The following CYP2S1 variants were observed in gnomAD, a reference collection of about 807,000 sequenced individuals.
The protein encoded by CYP2S1 is cytochrome P450 2S1.
CYP2S1 carries 32 observed loss-of-function variants against 43.5 expected under a neutral mutation model. The observed-to-expected ratio is 0.74, with a 90% confidence interval of 0.56 to 0.99. CYP2S1 has a LOEUF of 0.99. Ranked by LOEUF, CYP2S1 falls within the 50% of genes least tolerant of loss-of-function variation. The pLI is 0.00. For missense variants in CYP2S1, 575 were observed against 673.9 expected, an observed-to-expected ratio of 0.85 and a Z score of 1.62; for synonymous variants, 283 against 302.9, an observed-to-expected ratio of 0.93 and a Z score of 0.68.
chr19:41,198,458 C>G lies in CYP2S1; in HGVS notation c.494-4C>G, dbSNP rs752912722. The G allele has an allele frequency of 7.4e-6, 12 of 1,613,592 alleles. No homozygotes were observed. Among genetic ancestry groups the G allele is most frequent in the South Asian group, 1.1e-5 (1 of 91,050 alleles). On this transcript the variant is annotated splice_polypyrimidine_tract_variant and splice_region_variant and intron_variant, in intron 3 of 8. Coordinates refer to ENST00000310054, the MANE Select transcript of CYP2S1 (RefSeq NM_030622.8). This position sits in a 1 kb window ranked among gnomAD's most constrained non-coding sequence, Gnocchi z 4.9. ...GCCTACCTCCCTGCCCCCATTCCCCCCAGGACGCCCATTCGATCCCTCCCT... is the reference window on the plus strand; with the variant it reads ...GCCTACCTCCCTGCCCCCATTCCCCGCAGGACGCCCATTCGATCCCTCCCT...
chr19:41,199,739 C>A (rs762881546), intron 5 of CYP2S1, among the ~76,000 whole-genome samples: 1 of 151,686 alleles, frequency 6.6e-6, no homozygotes, highest in African/African-American at 2.4e-5. Context: ...CCGAGACGGG[C>A]GGATCACCTG....
Position 41,197,897 on chromosome 19 carries a change from G to T in CYP2S1, c.462G>T (p.Arg154=). ...EGEELIQAEA[R]CLVETFQGTE... ...AGGAGCTGATCCAGGCGGAGGCCCG[G>T]TGTCTGGTGGAGACATTCCAGGGGA... The change falls in exon 3 of 9, where the codon CGG becomes CGT. Residue 154 remains arginine, a synonymous_variant. Coordinates refer to ENST00000310054, the MANE Select transcript of CYP2S1 (RefSeq NM_030622.8). 1 of 1,613,796 alleles carries T rather than the reference G, an allele frequency of 6.2e-7. No individual in the cohort carries two copies. The highest frequency in any genetic ancestry group is 8.5e-7 in the Non-Finnish European group (1 of 1,179,898).
chr19:41,195,909 C>A (rs1184032480), intron 2 of CYP2S1, among the ~76,000 whole-genome samples: 1 of 151,970 alleles, frequency 6.6e-6, no homozygotes, highest in Admixed American at 6.6e-5. Context: ...AACAAAAAAT[C>A]ATTATACCTG....
intron 6 of CYP2S1, 118 bp from the exon 7 acceptor site, chr19:41,203,332 C>A: frequency 8.7e-7 from 1 of 1,143,502 alleles, no homozygotes; most frequent in Non-Finnish European, 1.2e-6. Context: ...GCTGGGGGAC[C>A]ACTCCTCCCC....
Position 41,206,531 on chromosome 19 carries a change from C to G in CYP2S1, c.*43C>G. The G allele has an allele frequency of 6.2e-7, 1 of 1,608,618 alleles. No individual in the cohort carries two copies. Among genetic ancestry groups the G allele is most frequent in the Non-Finnish European group, 8.5e-7 (1 of 1,175,302 alleles). On this transcript the variant is annotated 3_prime_UTR_variant, in exon 9 of 9. Transcript: ENST00000310054. ...GTGGTGGGTGCCCAGGACGGTGCCT[C>G]CAGCCTCAACAGTGGGCATGGACAG...
rs376952606 is a variant in CYP2S1 at position 41,198,851 on chromosome 19, G to A, written c.797G>A (p.Arg266His). 169 of 1,613,990 alleles carry A rather than the reference G, an allele frequency of 1.0e-4. No individual in the cohort carries two copies. The highest frequency in any genetic ancestry group is 1.3e-4 in the Non-Finnish European group (158 of 1,179,904). ...AACCTGGATGCTTCGGGCCCCGCAC[G>A]TGACCTTGTCGATGCCTTCCTGCTG... ...QGNLDASGPA[R>H]DLVDAFLLKM... The change falls in exon 5 of 9, where the codon CGT (arginine) becomes CAT (histidine). Residue 266 changes from arginine (R) to histidine (H), a missense_variant. Physicochemically the swap from Arg to His is conservative, Grantham distance 29. Around this residue, in one of 2 missense-constraint regions of CYP2S1, gnomAD observed 353 missense variants for 367.6 expected, o/e 0.96. Transcript: ENST00000310054. The surrounding 1 kb of genome is among the most constrained non-coding windows in gnomAD (Gnocchi z 4.9).
chr19:41,201,110 A>T (rs912784632), intron 5 of CYP2S1, 121 bp from the exon 6 acceptor site: 1 of 1,375,454 alleles, frequency 7.3e-7, no homozygotes, highest in African/African-American at 1.5e-5. Flanking sequence ...ACCTTCCCAA[A>T]AATTTATCTA....
At chr19:41,194,880 C>T (rs906191445) in intron 2 of CYP2S1, among the ~76,000 whole-genome samples, 171 bp downstream of exon 2, 13 of 152,096 alleles carry the variant, frequency 8.5e-5, no homozygotes, top group African/African-American at 2.7e-4. Flanking sequence ...CTTTGGGAGG[C>T]GGAGGTGGGT....
At chr19:41,205,370 CTTTCTT>C (rs1451303680) in intron 7 of CYP2S1, among the ~76,000 whole-genome samples, 756 of 72,614 alleles carry the variant, frequency 0.01, 2 homozygotes, top group African/African-American at 0.042. Flanking sequence ...TTCTTTCTTT[CTTTCTT>C]TCTTTCTCTC....
Position 41,198,134 on chromosome 19 carries a change from T to C in CYP2S1, c.493+206T>C, listed in dbSNP as rs2033438731. Among the ~76,000 whole-genome samples, 1 of 152,146 alleles carries C rather than the reference T, an allele frequency of 6.6e-6. No homozygotes were observed. ...GAGGCTGTCATGACATCTCTCTGTGTGTCTCTGGTGCTATCATCCCATTCT... is the reference window on the plus strand; with the variant it reads ...GAGGCTGTCATGACATCTCTCTGTGCGTCTCTGGTGCTATCATCCCATTCT... On this transcript the variant is annotated intron_variant, in intron 3 of 8. Coordinates refer to ENST00000310054, the MANE Select transcript of CYP2S1 (RefSeq NM_030622.8). The surrounding 1 kb of genome is among the most constrained non-coding windows in gnomAD (Gnocchi z 4.9).
chr19:41,205,372 T>C (rs113899405), intron 7 of CYP2S1, among the ~76,000 whole-genome samples: 3 of 71,252 alleles, frequency 4.2e-5, no homozygotes, highest in African/African-American at 1.6e-4. Context: ...CTTTCTTTCT[T>C]TCTTTCTTTC....
At chr19:41,205,293 C>G (rs550700002) in intron 7 of CYP2S1, among the ~76,000 whole-genome samples, 118 of 151,992 alleles carry the variant, frequency 7.8e-4, no homozygotes, top group South Asian at 3.7e-3. Flanking sequence ...AAGATTTGAA[C>G]TCAGAGACTA....
intron 2 of CYP2S1, 21 bp downstream of exon 2, chr19:41,194,730 C>T (rs1194542411): frequency 6.3e-7 from 1 of 1,594,756 alleles, no homozygotes; most frequent in Non-Finnish European, 8.5e-7. Flanking sequence ...GGCTGCTAGG[C>T]CCTCCGCTCA....
At chr19:41,203,803 C>G (rs2033525547) in intron 7 of CYP2S1, among the ~76,000 whole-genome samples, 166 bp downstream of exon 7, 1 of 151,948 alleles carries the variant, frequency 6.6e-6, no homozygotes, top group African/African-American at 2.4e-5. Flanking sequence ...CTCCTCCACT[C>G]CTACCCCCCT....
intron 6 of CYP2S1, 72 bp from the exon 7 acceptor site, chr19:41,203,378 G>A: frequency 6.9e-7 from 1 of 1,453,426 alleles, no homozygotes; most frequent in East Asian, 2.6e-5. Context: ...AGCTATGCAA[G>A]CAGATGGGCT....
intron 6 of CYP2S1, among the ~76,000 whole-genome samples, chr19:41,202,066 A>G (rs1003637708): frequency 6.6e-6 from 1 of 151,958 alleles, no homozygotes; most frequent in African/African-American, 2.4e-5. Context: ...GGCCCACTGC[A>G]ACCTCCGGCC....
rs1366734226 is a variant in CYP2S1 at position 41,204,619 on chromosome 19, A to T, written c.1164+982A>T. 1.9e-4 allele frequency among the ~76,000 whole-genome samples: 22 copies of T among 114,478 alleles called. No homozygotes were observed. In the Admixed American group the frequency reaches 2.4e-3, roughly 13 times the overall value. 75.1% of individuals were successfully genotyped at this position (114,478 alleles called of 152,430 possible). On this transcript the variant is annotated intron_variant, in intron 7 of 8. Coordinates refer to ENST00000310054, the MANE Select transcript of CYP2S1 (RefSeq NM_030622.8). ...TTTTTTTTTTTTTTTTTTTTCCGAG[A>T]TGGAGTCTCGCTCTGTTGCCCAGGC...
chr19:41,198,851 G>C lies in CYP2S1; in HGVS notation c.797G>C (p.Arg266Pro). The change falls in exon 5 of 9, where the codon CGT (arginine) becomes CCT (proline). Residue 266 changes from arginine to proline, a missense_variant. By Grantham distance (103) the Arg-to-Pro change is moderately radical (BLOSUM62 -2). This residue lies in a region of CYP2S1 where 353 missense variants were observed against 367.6 expected (regional missense o/e 0.96). Transcript: ENST00000310054. The surrounding 1 kb of genome is among the most constrained non-coding windows in gnomAD (Gnocchi z 4.9). ...AACCTGGATGCTTCGGGCCCCGCAC[G>C]TGACCTTGTCGATGCCTTCCTGCTG... Reference protein sequence around the residue: ...QGNLDASGPARDLVDAFLLKM... With the variant: ...QGNLDASGPAPDLVDAFLLKM... 3.1e-6 allele frequency: 5 copies of C among 1,613,990 alleles called. No homozygotes were observed. The highest frequency in any genetic ancestry group is 1.3e-5 in the African/African-American group (1 of 75,068).
At chr19:41,194,812 T>C in intron 2 of CYP2S1, 103 bp downstream of exon 2, 4 of 1,476,690 alleles carry the variant, frequency 2.7e-6, no homozygotes, top group Non-Finnish European at 3.6e-6. Flanking sequence ...ATCTGTCAAA[T>C]GGAGTGATAA....
Sources: allele counts gnomAD v4.1 joint callset (sites outside exome capture counted in the v4.1 genomes callset), GRCh38; gene constraint gnomAD v4.1.1; regional missense constraint gnomAD v4.1.1; non-coding constraint Gnocchi (gnomAD v3.1); transcripts MANE v1.5; gene names NCBI Gene and HGNC (gene_info 2026-07-23, HGNC 2026-07-21).